Variants in TRRAP observed in about 807,000 individuals in gnomAD.
The protein encoded by TRRAP is transformation/transcription domain-associated protein.
In TRRAP, 41 loss-of-function variants were observed where a neutral mutation model predicts 438.8. The observed-to-expected ratio is 0.09, with a 90% confidence interval of 0.07 to 0.12. The LOEUF (loss-of-function observed/expected upper bound fraction) is 0.12. Ranked by LOEUF, TRRAP falls within the 10% of genes least tolerant of loss-of-function variation. TRRAP has a pLI of 1.00. For missense variants in TRRAP, 3,122 were observed against 5,055.1 expected, an observed-to-expected ratio of 0.62 and a Z score of 11.60; for synonymous variants, 1,994 against 1,962.9, an observed-to-expected ratio of 1.02 and a Z score of -0.42.
chr7:98,946,588 T>C (rs1027507498), intron 33 of TRRAP, among the ~76,000 whole-genome samples: 3 of 146,850 alleles, frequency 2.0e-5, no homozygotes, highest in Non-Finnish European at 4.5e-5. Flanking sequence ...ACACACCACA[T>C]ATGCACACAA....
At chr7:98,921,318 C>T (rs1464275269) in intron 20 of TRRAP, among the ~76,000 whole-genome samples, 2 of 152,114 alleles carry the variant, frequency 1.3e-5, no homozygotes, top group African/African-American at 2.4e-5. Flanking sequence ...GAAGGGAGAA[C>T]GGTGTGTTTG....
chr7:98,918,999 A>C (rs1789663172), intron 20 of TRRAP, among the ~76,000 whole-genome samples: 2 of 151,944 alleles, frequency 1.3e-5, no homozygotes. Context: ...AAAAAAAAAA[A>C]AGAAAAAAAG....
chr7:98,949,679 A>C lies in TRRAP; in HGVS notation c.4973A>C (p.Lys1658Thr), dbSNP rs1205589762. The C allele has an allele frequency of 6.2e-7, 1 of 1,613,454 alleles. No homozygotes were observed. Among genetic ancestry groups the C allele is most frequent in the Admixed American group, 1.7e-5 (1 of 59,822 alleles). Residue 1658 changes from lysine to threonine, a missense_variant, in exon 37 of 73, where the codon AAA (lysine) becomes ACA (threonine). Physicochemically the swap from Lys to Thr is moderately conservative, Grantham distance 78. Transcript: ENST00000456197. The stretch of plus-strand genomic sequence containing the variant: ...TGACAGATCATAAGCATTATAGTGA[A>C]AAACGATGACTCCTGGCTGGCCAGC... ...QAIKIISIIV[K>T]NDDSWLASQH...
intron 60 of TRRAP, 94 bp downstream of exon 60, chr7:98,983,553 TG>T: frequency 6.9e-7 from 1 of 1,450,492 alleles, no homozygotes; most frequent in South Asian, 1.3e-5. Context: ...TGGTTTGGTT[TG>T]GTTTTTTTTT....
chr7:98,994,888 T>G lies in TRRAP; in HGVS notation c.10309+40T>G. 6.3e-7 allele frequency: 1 copy of G among 1,599,630 alleles called. No individual in the cohort carries two copies. Among genetic ancestry groups the G allele is most frequent in the Non-Finnish European group, 8.5e-7 (1 of 1,170,502 alleles). ...TCCTTCCCTTCCATAGGGAGAATTG[T>G]GCACGCTGATTTCCTCCGGCTTTAG... On this transcript the variant is annotated intron_variant, in intron 67 of 72. Coordinates refer to ENST00000456197, the MANE Select transcript of TRRAP (RefSeq NM_001375524.1). The surrounding 1 kb of genome is among the most constrained non-coding windows in gnomAD (Gnocchi z 4.8).
intron 28 of TRRAP, 137 bp from the exon 29 acceptor site, chr7:98,937,018 AG>A (rs1246609979): frequency 7.2e-6 from 8 of 1,115,820 alleles, no homozygotes; most frequent in Admixed American, 3.2e-5. Context: ...CCTTGAGGCC[AG>A]GAGTTAGAGA....
chr7:98,914,679 A>C (rs967270427), intron 18 of TRRAP, among the ~76,000 whole-genome samples: 7 of 132,898 alleles, frequency 5.3e-5, no homozygotes, highest in Admixed American at 1.9e-4. Flanking sequence ...TGTGCCACTG[A>C]CTATACTCCA....
intron 29 of TRRAP, 99 bp downstream of exon 29, chr7:98,937,376 G>A: frequency 6.7e-7 from 1 of 1,487,510 alleles, no homozygotes; most frequent in Non-Finnish European, 8.9e-7. Context: ...TATATAAACA[G>A]TGTATGCCTA....
intron 39 of TRRAP, 49 bp downstream of exon 39, chr7:98,951,053 G>T: frequency 1.4e-6 from 2 of 1,383,856 alleles, no homozygotes; most frequent in South Asian, 1.5e-5. Context: ...GCATGTGGAT[G>T]AACATCTGTG....
At chr7:98,943,956 A>G (rs1554416226) in intron 31 of TRRAP, among the ~76,000 whole-genome samples, 2 of 152,182 alleles carry the variant, frequency 1.3e-5, no homozygotes, top group Non-Finnish European at 2.9e-5. Context: ...TTGTGTGTCA[A>G]GGTGTTTTGT....
At chr7:98,968,748 G>A (rs182189769) in intron 51 of TRRAP, among the ~76,000 whole-genome samples, 61 of 152,328 alleles carry the variant, frequency 4.0e-4, no homozygotes, top group Non-Finnish European at 6.5e-4. Context: ...TGGGTCTCAG[G>A]AGAGCCTGCT....
chr7:99,011,394 T>G lies in TRRAP; in HGVS notation c.11196T>G (p.Thr3732=), dbSNP rs750674958. 1 of 1,614,252 alleles carries G rather than the reference T, an allele frequency of 6.2e-7. No homozygotes were observed. The highest frequency in any genetic ancestry group is 1.7e-5 in the Admixed American group (1 of 60,028). ...AYFRFDINDA[T]GDLDANRPVP... ...TTCGATTTGACATAAACGACGCGAC[T>G]GGAGACCTGGATGCCAACCGTCCTG... is the stretch of plus-strand genomic sequence containing the variant. Residue 3732 remains threonine (T), a synonymous_variant, in exon 72 of 73, where the codon ACT becomes ACG. Transcript: ENST00000456197. This position sits in a 1 kb window ranked among gnomAD's most constrained non-coding sequence, Gnocchi z 7.1.
intron 7 of TRRAP, 72 bp from the exon 8 acceptor site, chr7:98,897,669 T>G: frequency 2.1e-6 from 3 of 1,449,744 alleles, no homozygotes; most frequent in Non-Finnish European, 2.8e-6. Flanking sequence ...TTGTTTTGTT[T>G]TGTTTTGTTT....
At chr7:98,935,038 CAGAT>C (rs1387538873) in intron 27 of TRRAP, among the ~76,000 whole-genome samples, 20 of 151,880 alleles carry the variant, frequency 1.3e-4, no homozygotes, top group African/African-American at 4.6e-4. Flanking sequence ...ATTTAGATAA[CAGAT>C]AGAGAAATAT....
chr7:98,956,013 A>C lies in TRRAP; in HGVS notation c.5938-133A>C, dbSNP rs1791582416. On this transcript the variant is annotated intron_variant, in intron 41 of 72. Transcript: ENST00000456197. This position sits in a 1 kb window ranked among gnomAD's most constrained non-coding sequence, Gnocchi z 4.5. ...AGGTTAGGATTCAGAATTCTTGAGC[A>C]TCAAGTTGGGCTGTGTGTGTATGTT... The C allele has an allele frequency of 2.7e-6, 3 of 1,127,102 alleles. No homozygotes were observed. The highest frequency in any genetic ancestry group is 3.0e-4 in the Middle Eastern group (1 of 3,312). 69.8% of individuals were successfully genotyped at this position (1,127,102 alleles called of 1,614,324 possible).
At position 98,999,174 on chromosome 7, in the gene TRRAP, G is replaced by T. The variant is rs180900580; in HGVS notation, c.10309+4326G>T. On this transcript the variant is annotated intron_variant, in intron 67 of 72. Transcript: ENST00000456197. ...ATTGAACCTGGCCATCTCTGATCTG[G>T]ATTTCAAAGCAGTCCTTCAGATAGG... 5 of 1,574,698 alleles carry T rather than the reference G, an allele frequency of 3.2e-6. No individual in the cohort carries two copies. The Admixed American group carries it at 8.4e-5, about 26-fold the overall frequency.
In TRRAP at chr7:98,956,322, A is replaced by C; in HGVS notation, c.6096+18A>C. 1 of 1,613,752 alleles carries C rather than the reference A, an allele frequency of 6.2e-7. No individual in the cohort carries two copies. Among genetic ancestry groups the C allele is most frequent in the Non-Finnish European group, 8.5e-7 (1 of 1,179,698 alleles). ...ACCAGCAGGTAGGGGTGTCAGCCTCAGGGGTGCCCCGATCGTCTTCCTTTG... is the reference window on the plus strand; with the variant it reads ...ACCAGCAGGTAGGGGTGTCAGCCTCCGGGGTGCCCCGATCGTCTTCCTTTG... On this transcript the variant is annotated intron_variant, in intron 42 of 72. Transcript: ENST00000456197. This position sits in a 1 kb window ranked among gnomAD's most constrained non-coding sequence, Gnocchi z 4.5.
At chr7:98,894,412 A>G (rs1474885661) in intron 6 of TRRAP, among the ~76,000 whole-genome samples, 2 of 152,210 alleles carry the variant, frequency 1.3e-5, no homozygotes, top group Non-Finnish European at 2.9e-5. Context: ...CCATAATTAT[A>G]TCTTCTCTGG....
rs140410746 is a variant in TRRAP, at chr7:98,949,500, G to A, written c.4872G>A (p.Pro1624=). The change falls in exon 36 of 73, where the codon CCG becomes CCA. Residue 1624 remains proline (P), a synonymous_variant. Coordinates refer to ENST00000456197, the MANE Select transcript of TRRAP (RefSeq NM_001375524.1). ...NPNRFITLLL[P]GGAQTAVRPG... ...ACAGGTTCATCACCCTGCTGCTGCC[G>A]GGGGGTGCCCAGACGGCTGTGCGCC... 15 of 1,607,446 alleles carry A rather than the reference G, an allele frequency of 9.3e-6. No individual in the cohort carries two copies. Among genetic ancestry groups the A allele is most frequent in the East Asian group, 4.5e-5 (2 of 44,676 alleles).
Sources: gnomAD v4.1 joint callset for allele counts (sites outside exome capture counted in the v4.1 genomes callset) on GRCh38, gnomAD v4.1.1 for gene constraint, Gnocchi (gnomAD v3.1) non-coding constraint, MANE v1.5 for transcripts, NCBI Gene and HGNC (gene_info 2026-07-23, HGNC 2026-07-21) for gene names.